SHANK2: variants seen among roughly 807,000 people sequenced by gnomAD.
The protein encoded by SHANK2 is SH3 and multiple ankyrin repeat domains protein 2.
Under a neutral mutation model 133.7 loss-of-function variants are expected in SHANK2, and 43 were observed. The ratio of observed to expected loss-of-function variants is 0.32; its 90% CI spans 0.25 to 0.41. The LOEUF (loss-of-function observed/expected upper bound fraction) is 0.41, where lower values mean the gene tolerates loss of function less well. Among genes scored for constraint, SHANK2 ranks in the 10% least tolerant of loss-of-function variants. The probability of loss-of-function intolerance (pLI) is 1.00; values close to 1 mark genes in which losing one functional copy is unlikely to be tolerated. For missense variants in SHANK2, 1,994 were observed against 2,235.8 expected, an observed-to-expected ratio of 0.89 and a Z score of 2.18; for synonymous variants, 1,017 against 952.8, an observed-to-expected ratio of 1.07 and a Z score of -1.24.
At chr11:71,211,752 C>G (rs1165734290) in intron 2 of SHANK2, among the ~76,000 whole-genome samples, 1 of 151,926 alleles carries the variant, frequency 6.6e-6, no homozygotes, top group Non-Finnish European at 1.5e-5. Flanking sequence ...CTATATATAA[C>G]TTGGCCACTT....
chr11:70,590,118 C>T (rs782439205), intron 17 of SHANK2, among the ~76,000 whole-genome samples: 8 of 152,086 alleles, frequency 5.3e-5, no homozygotes, highest in Non-Finnish European at 7.4e-5. Flanking sequence ...TCAGAGATTG[C>T]GTCACTGCAC....
chr11:71,110,351 T>C (rs551834076), intron 5 of SHANK2, among the ~76,000 whole-genome samples: 14 of 152,228 alleles, frequency 9.2e-5, no homozygotes, highest in Middle Eastern at 6.8e-3. Flanking sequence ...GGCAGGAGAA[T>C]GGCATGAACC....
chr11:71,149,240 G>A lies in SHANK2; in HGVS notation c.-12-1902C>T, dbSNP rs573738565. 2.0e-4 allele frequency among the ~76,000 whole-genome samples: 30 copies of A among 152,228 alleles called. 1 individual carries two copies. The South Asian group carries it at 3.9e-3, about 20-fold the overall frequency. ...CGAGAACAGCTCGCTGCCTTCCCCCGCCACTGGTGTGCCTCAAAGCAAGAC... is the reference window on the plus strand; with the variant it reads ...CGAGAACAGCTCGCTGCCTTCCCCCACCACTGGTGTGCCTCAAAGCAAGAC... On this transcript the variant is annotated intron_variant, in intron 2 of 25. Coordinates refer to ENST00000601538, the MANE Select transcript of SHANK2 (RefSeq NM_012309.5).
At chr11:70,693,514 G>A (rs1035564996) in intron 15 of SHANK2, among the ~76,000 whole-genome samples, 7 of 152,090 alleles carry the variant, frequency 4.6e-5, no homozygotes, top group African/African-American at 9.7e-5. Flanking sequence ...ACATAAAGCC[G>A]GCATGACCCA....
rs572036076 is a variant in SHANK2, at chr11:70,593,947, G to A, written c.2061+65881C>T. On this transcript the variant is annotated intron_variant, in intron 17 of 25. Transcript: ENST00000601538. ...CATGTGGGACCTGCTGGTGTCAGAT[G>A]CTGAGTGAACCCACGTGGAGGGTGT... Among the ~76,000 whole-genome samples the A allele has an allele frequency of 1.6e-4, 24 of 152,270 alleles. 1 individual carries two copies. The South Asian group carries it at 4.8e-3, about 30-fold the overall frequency.
intron 14 of SHANK2, among the ~76,000 whole-genome samples, chr11:70,776,349 T>C (rs890414030): frequency 6.6e-6 from 1 of 152,122 alleles, no homozygotes; most frequent in Admixed American, 6.5e-5. Flanking sequence ...AAACTGGACT[T>C]GGGGGATAGG....
chr11:70,852,363 C>A (rs1179994244), intron 11 of SHANK2, among the ~76,000 whole-genome samples: 1 of 152,238 alleles, frequency 6.6e-6, no homozygotes, highest in Non-Finnish European at 1.5e-5. Flanking sequence ...GAAGTTTCCT[C>A]AGAAGGCCAT....
chr11:71,196,134 AG>A (rs1953897767), intron 2 of SHANK2, among the ~76,000 whole-genome samples: 1 of 151,978 alleles, frequency 6.6e-6, no homozygotes, highest in South Asian at 2.1e-4. Context: ...GGCTGCAGTG[AG>A]CCATGATCAC....
At chr11:70,726,671 A>G (rs948095496) in intron 14 of SHANK2, among the ~76,000 whole-genome samples, 1 of 152,268 alleles carries the variant, frequency 6.6e-6, no homozygotes, top group Non-Finnish European at 1.5e-5. Flanking sequence ...ACCTAAAATT[A>G]TTCCCCTCCC....
intron 2 of SHANK2, among the ~76,000 whole-genome samples, chr11:71,201,900 G>T (rs190954875): frequency 6.6e-6 from 1 of 152,318 alleles, no homozygotes; most frequent in East Asian, 1.9e-4. Context: ...CTGCCCAGTG[G>T]CTTCTGTCAT....
rs1948110631 is a variant in SHANK2, at chr11:70,804,068, T to C, written c.1663+2934A>G. Among the ~76,000 whole-genome samples, 2 of 152,248 alleles carry C rather than the reference T, an allele frequency of 1.3e-5. No individual in the cohort carries two copies. Among genetic ancestry groups the C allele is most frequent in the South Asian group, 2.1e-4 (1 of 4,820 alleles). On this transcript the variant is annotated intron_variant, in intron 13 of 25. Transcript: ENST00000601538. The surrounding 1 kb of genome is among the most constrained non-coding windows in gnomAD (Gnocchi z 4.1). ...ACCCTGGGGCCCGTCACAGCCACCC[T>C]GCCTGCCTGCTGCCCAGACCCGACT... is the stretch of plus-strand genomic sequence containing the variant.
At chr11:71,180,913 C>G (rs572837266) in intron 2 of SHANK2, among the ~76,000 whole-genome samples, 95 of 152,196 alleles carry the variant, frequency 6.2e-4, no homozygotes, top group African/African-American at 2.1e-3. Context: ...CCCCGTCCGG[C>G]TGTCTAGTGT....
intron 1 of SHANK2, among the ~76,000 whole-genome samples, chr11:71,247,770 T>C (rs140628270): frequency 9.9e-5 from 15 of 152,244 alleles, no homozygotes; most frequent in East Asian, 1.9e-4. Context: ...CAGCCTCAGA[T>C]TGGGAGTTTG....
intron 2 of SHANK2, among the ~76,000 whole-genome samples, chr11:71,173,516 C>G (rs1456223347): frequency 6.6e-6 from 1 of 152,182 alleles, no homozygotes; most frequent in Non-Finnish European, 1.5e-5. Context: ...ATGAACCAGG[C>G]GAATGTCCCC....
intron 2 of SHANK2, among the ~76,000 whole-genome samples, chr11:71,201,637 T>A (rs944316302): frequency 6.6e-6 from 1 of 152,210 alleles, no homozygotes; most frequent in Non-Finnish European, 1.5e-5. Flanking sequence ...ATTCCCATTT[T>A]ACAGATAAGA....
intron 2 of SHANK2, among the ~76,000 whole-genome samples, chr11:71,192,482 G>T (rs1040439745): frequency 1.3e-5 from 2 of 152,178 alleles, no homozygotes; most frequent in Non-Finnish European, 2.9e-5. Context: ...TCACTGCCTG[G>T]AACCCTGTTT....
At chr11:71,139,562 G>A (rs1167258898) in intron 3 of SHANK2, among the ~76,000 whole-genome samples, 1 of 152,184 alleles carries the variant, frequency 6.6e-6, no homozygotes, top group Non-Finnish European at 1.5e-5. Flanking sequence ...CACGGGGCCA[G>A]TTTTCTTCCC....
chr11:70,492,787 G>A (rs1485915628), intron 21 of SHANK2, among the ~76,000 whole-genome samples: 1 of 70,590 alleles, frequency 1.4e-5, no homozygotes, highest in Non-Finnish European at 2.5e-5. Flanking sequence ...ACATTTCTGT[G>A]TTTTTTTTTT....
At chr11:70,791,639 T>C (rs1029731901) in intron 14 of SHANK2, among the ~76,000 whole-genome samples, 6 of 152,206 alleles carry the variant, frequency 3.9e-5, no homozygotes, top group Admixed American at 6.5e-5. Flanking sequence ...GACCCGGATA[T>C]GTTTCTGTTT....
Sources: gnomAD v4.1 joint callset for allele counts (sites outside exome capture counted in the v4.1 genomes callset) on GRCh38, gnomAD v4.1.1 for gene constraint, Gnocchi (gnomAD v3.1) non-coding constraint, MANE v1.5 for transcripts, NCBI Gene and HGNC (gene_info 2026-07-23, HGNC 2026-07-21) for gene names.